ADRA1A: variants seen among roughly 807,000 people sequenced by gnomAD.
The protein encoded by ADRA1A is alpha-1A adrenergic receptor.
In ADRA1A, 31 loss-of-function variants were observed where a neutral mutation model predicts 29.6. That is an observed-to-expected ratio of 1.05 (90% CI 0.79 to 1.41). ADRA1A has a LOEUF of 1.41. Among genes scored for constraint, ADRA1A ranks in the 40% most tolerant of loss-of-function variants. The pLI, the probability that ADRA1A is intolerant of heterozygous loss-of-function variation, is 0.00. For synonymous variants in ADRA1A, 311 were observed against 254.3 expected (o/e 1.22, Z -2.12); for missense variants, 619 against 601.1 (o/e 1.03, Z -0.31).
chr8:26,776,834 C>T (rs777214826), intron 2 of ADRA1A, among the ~76,000 whole-genome samples: 11 of 152,138 alleles, frequency 7.2e-5, no homozygotes, highest in Non-Finnish European at 1.5e-4. Flanking sequence ...ATGTGGACTC[C>T]AAAGAAGAAG....
intron 2 of ADRA1A, among the ~76,000 whole-genome samples, chr8:26,801,273 C>T (rs541448672): frequency 6.6e-6 from 1 of 152,016 alleles, no homozygotes; most frequent in Non-Finnish European, 1.5e-5. Flanking sequence ...GGAGTCCTAA[C>T]TAGATCAATC....
At chr8:26,773,412 A>T (rs1046433546) in intron 2 of ADRA1A, among the ~76,000 whole-genome samples, 9 of 152,192 alleles carry the variant, frequency 5.9e-5, no homozygotes, top group African/African-American at 2.2e-4. Context: ...TATGAAACCT[A>T]TATATTGTCC....
At chr8:26,748,937 C>CAGCAGGTG (rs1385143724) in intron 2 of ADRA1A, among the ~76,000 whole-genome samples, 1 of 152,090 alleles carries the variant, frequency 6.6e-6, no homozygotes, top group African/African-American at 2.4e-5. Context: ...GCTGTCCCCT[C>CAGCAGGTG]AGCAGGTGAG....
intron 2 of ADRA1A, among the ~76,000 whole-genome samples, chr8:26,785,674 G>A (rs13248896): frequency 0.038 from 5,829 of 152,178 alleles, 239 homozygotes; most frequent in African/African-American, 0.099. Flanking sequence ...CATCAAGCGA[G>A]TGGCTTCAGT....
Position 26,825,811 on chromosome 8 carries a change from G to A in ADRA1A, c.883+38276C>T, listed in dbSNP as rs1286853334. On this transcript the variant is annotated intron_variant, in intron 2 of 2. Coordinates refer to ENST00000380573, the MANE Select transcript of ADRA1A (RefSeq NM_000680.4). The surrounding 1 kb of genome is among the most constrained non-coding windows in gnomAD (Gnocchi z 5.7). ...ATTCTGGTTCGATACTAGGCACAGT[G>A]TTGATTGCCTGTTTGATACCTGCTT... is the stretch of plus-strand genomic sequence containing the variant. Among the ~76,000 whole-genome samples the A allele has an allele frequency of 6.6e-6, 1 of 152,226 alleles. No individual in the cohort carries two copies. The highest frequency in any genetic ancestry group is 1.5e-5 in the Non-Finnish European group (1 of 68,044).
chr8:26,780,030 A>T (rs1271408263), intron 2 of ADRA1A, among the ~76,000 whole-genome samples: 2 of 152,186 alleles, frequency 1.3e-5, no homozygotes, highest in East Asian at 1.9e-4. Context: ...AGGGAACCTC[A>T]TAATGGGGTA....
At chr8:26,843,545 A>G (rs1172937471) in intron 2 of ADRA1A, among the ~76,000 whole-genome samples, 1 of 152,230 alleles carries the variant, frequency 6.6e-6, no homozygotes, top group Non-Finnish European at 1.5e-5. Flanking sequence ...TGCTTGCCAT[A>G]TGATCAACAT....
downstream of ADRA1A, among the ~76,000 whole-genome samples, chr8:26,753,058 C>T (rs1804990170): frequency 6.6e-6 from 1 of 152,134 alleles, no homozygotes; most frequent in African/African-American, 2.4e-5. Flanking sequence ...GAGTTCATGT[C>T]CCCAAGGAGG....
At position 26,787,355 on chromosome 8, in the gene ADRA1A, T is replaced by C. The variant is rs1307415088; in HGVS notation, c.884-16689A>G. ...AATACAAAAATAAAATTCTCGAATGTTAATAATTAGGTTTGTTCAGAATAG... is the reference window on the plus strand; with the variant it reads ...AATACAAAAATAAAATTCTCGAATGCTAATAATTAGGTTTGTTCAGAATAG... On this transcript the variant is annotated intron_variant, in intron 2 of 2. Coordinates refer to ENST00000380573, the MANE Select transcript of ADRA1A (RefSeq NM_000680.4). This position sits in a 1 kb window ranked among gnomAD's most constrained non-coding sequence, Gnocchi z 4.2. 2.6e-5 allele frequency among the ~76,000 whole-genome samples: 4 copies of C among 152,152 alleles called. No individual in the cohort carries two copies. Among genetic ancestry groups the C allele is most frequent in the Admixed American group, 2.6e-4 (4 of 15,274 alleles).
chr8:26,799,422 G>A, intron 2 of ADRA1A, among the ~76,000 whole-genome samples: 1 of 152,196 alleles, frequency 6.6e-6, no homozygotes, highest in East Asian at 1.9e-4. Context: ...GGAGAGAGCT[G>A]TGCAGTGACT....
At chr8:26,800,286 T>C (rs1808482639) in intron 2 of ADRA1A, among the ~76,000 whole-genome samples, 1 of 151,746 alleles carries the variant, frequency 6.6e-6, no homozygotes, top group Non-Finnish European at 1.5e-5. Flanking sequence ...ATGATCATCA[T>C]CAAAACAATA....
At chr8:26,850,025 C>CAAAAAAAAAAACAAAAAACA (rs141672591) in intron 2 of ADRA1A, among the ~76,000 whole-genome samples, 9 of 121,590 alleles carry the variant, frequency 7.4e-5, no homozygotes, top group African/African-American at 2.6e-4. Context: ...GAGAGAAATG[C>CAAAAAAAAAAACAAAAAACA]AAAAACAAAA....
At position 26,864,682 on chromosome 8, in the gene ADRA1A, C is replaced by T. The variant is rs1585869740; in HGVS notation, c.288G>A (p.Arg96=). 1.2e-6 allele frequency: 2 copies of T among 1,614,150 alleles called. No homozygotes were observed. The highest frequency in any genetic ancestry group is 1.1e-5 in the South Asian group (1 of 91,076). Residue 96 remains arginine (R), a synonymous_variant, in exon 2 of 3, where the codon AGG becomes AGA. Coordinates refer to ENST00000380573, the MANE Select transcript of ADRA1A (RefSeq NM_000680.4). The surrounding 1 kb of genome is among the most constrained non-coding windows in gnomAD (Gnocchi z 8.1). ...FEVLGYWAFG[R]VFCNIWAAVD... ...CTGCCGCCCAGATGTTGCAGAAGAC[C>T]CTGCCGAAGGCCCAGTAGCCTAGGA...
intron 2 of ADRA1A, among the ~76,000 whole-genome samples, chr8:26,827,946 T>G (rs1229515364): frequency 6.6e-6 from 1 of 152,158 alleles, no homozygotes; most frequent in African/African-American, 2.4e-5. Flanking sequence ...CAGGCTGGGG[T>G]GCAGTGGCGT....
intron 2 of ADRA1A, chr8:26,779,550 A>T: frequency 3.4e-6 from 2 of 590,098 alleles, no homozygotes; most frequent in Non-Finnish European, 6.0e-6. Flanking sequence ...AAGCAGGATG[A>T]TGAAGGAACG....
Position 26,865,137 on chromosome 8 carries a change from G to T in ADRA1A, c.-168C>A. 6.9e-7 allele frequency: 1 copy of T among 1,451,110 alleles called. No individual in the cohort carries two copies. The highest frequency in any genetic ancestry group is 9.0e-7 in the Non-Finnish European group (1 of 1,109,424). The allele number at this position is 1,451,110 out of a possible 1,614,324, so 89.9% of individuals were successfully genotyped here. ...CGCGCGCGGGTGGGAAACAACCCTG[G>T]CCAGCCCTGGGAACCCTCAGAAGGC... On this transcript the variant is annotated 5_prime_UTR_variant, in exon 2 of 3. Transcript: ENST00000380573. The surrounding 1 kb of genome is among the most constrained non-coding windows in gnomAD (Gnocchi z 7.6).
chr8:26,766,104 T>A (rs1219853901), downstream of ADRA1A: 3 of 1,613,760 alleles, frequency 1.9e-6, no homozygotes, highest in Non-Finnish European at 2.5e-6. Context: ...ACATGCTTGA[T>A]ATGCTCTCTG....
chr8:26,865,280 G>C lies in ADRA1A; in HGVS notation c.-311C>G, dbSNP rs933730274. 1.6e-6 allele frequency: 2 copies of C among 1,240,570 alleles called. No homozygotes were observed. Among genetic ancestry groups the C allele is most frequent in the Non-Finnish European group, 2.0e-6 (2 of 988,586 alleles). 76.8% of individuals were successfully genotyped at this position (1,240,570 alleles called of 1,614,324 possible). On this transcript the variant is annotated 5_prime_UTR_variant, in exon 2 of 3. Coordinates refer to ENST00000380573, the MANE Select transcript of ADRA1A (RefSeq NM_000680.4). This position sits in a 1 kb window ranked among gnomAD's most constrained non-coding sequence, Gnocchi z 7.6. Reference sequence around the variant, plus strand: ...CCGGACTCCCTCCCTACCCGAAGCTGGGTGCGAAGATCCAGGAGACTCCTT... The same window carrying C: ...CCGGACTCCCTCCCTACCCGAAGCTCGGTGCGAAGATCCAGGAGACTCCTT...
rs776830307 is a variant in ADRA1A at position 26,815,215 on chromosome 8, T to C, written c.884-44549A>G. ...TAATAGGATAACAGTCTTAAATAGA[T>C]ACTTGAAATCACATGCAGATTTCCT... is the stretch of plus-strand genomic sequence containing the variant. On this transcript the variant is annotated intron_variant, in intron 2 of 2. Transcript: ENST00000380573. This position sits in a 1 kb window ranked among gnomAD's most constrained non-coding sequence, Gnocchi z 4.2. Among the ~76,000 whole-genome samples, 2 of 152,344 alleles carry C rather than the reference T, an allele frequency of 1.3e-5. No homozygotes were observed. Among genetic ancestry groups the C allele is most frequent in the Non-Finnish European group, 2.9e-5 (2 of 68,038 alleles).
Sources: gnomAD v4.1 joint callset for allele counts (sites outside exome capture counted in the v4.1 genomes callset) on GRCh38, gnomAD v4.1.1 for gene constraint, Gnocchi (gnomAD v3.1) non-coding constraint, MANE v1.5 for transcripts, NCBI Gene and HGNC (gene_info 2026-07-23, HGNC 2026-07-21) for gene names.